CCDC18: variants seen among roughly 807,000 people sequenced by gnomAD.
The protein encoded by CCDC18 is coiled-coil domain-containing protein 18.
In CCDC18, 157 loss-of-function variants were observed where a neutral mutation model predicts 196.0. That is an observed-to-expected ratio of 0.80 (90% confidence interval 0.70 to 0.91). CCDC18 has a LOEUF of 0.91. Ranked by LOEUF, CCDC18 falls within the 40% of genes least tolerant of loss-of-function variation. CCDC18 has a pLI of 0.00. For missense variants in CCDC18, 1,465 were observed against 1,611.6 expected (o/e 0.91, Z 1.56); for synonymous variants, 482 against 529.2 (o/e 0.91, Z 1.22).
intron 21 of CCDC18, among the ~76,000 whole-genome samples, chr1:93,241,283 T>C (rs1660740425): frequency 6.6e-6 from 1 of 152,100 alleles, no homozygotes; most frequent in Non-Finnish European, 1.5e-5. Flanking sequence ...TCCATTGATT[T>C]CGTGGCCTCT....
At chr1:93,212,576 A>C (rs1655828977) in intron 11 of CCDC18, among the ~76,000 whole-genome samples, 1 of 152,236 alleles carries the variant, frequency 6.6e-6, no homozygotes, top group Non-Finnish European at 1.5e-5. Flanking sequence ...TTTAAAGAAC[A>C]AATTTATCAA....
chr1:93,266,527 C>T (rs544259256), intron 27 of CCDC18, among the ~76,000 whole-genome samples: 130 of 151,942 alleles, frequency 8.6e-4, no homozygotes, highest in Non-Finnish European at 1.6e-3. Context: ...AAAAGATCAA[C>T]AAAATTGATA....
intron 6 of CCDC18, among the ~76,000 whole-genome samples, chr1:93,194,588 C>T (rs550063632): frequency 3.6e-4 from 55 of 151,718 alleles, no homozygotes; most frequent in Non-Finnish European, 7.2e-4. Context: ...ATGATATTAT[C>T]TTGATATGGA....
chr1:93,180,015 G>A (rs1372145499), upstream of CCDC18: 1 of 1,591,804 alleles, frequency 6.3e-7, no homozygotes, highest in South Asian at 1.1e-5. Flanking sequence ...CAGTGCAGCT[G>A]GGTTAAAGGA....
In CCDC18 at chr1:93,184,118, C is replaced by A; in HGVS notation, c.275C>A (p.Thr92Asn). The stretch of plus-strand genomic sequence containing the variant: ...GTCTGTAAAATATCTGGTAGCAGCA[C>A]TGATTTTCAAAAAAAGCCAAGAGAT... ...ENVCKISGSS[T>N]DFQKKPRDKM... The change falls in exon 3 of 29, where the codon ACT becomes AAT. Residue 92 changes from threonine (T) to asparagine (N), a missense_variant. By Grantham distance (65) the Thr-to-Asn change is moderately conservative. Transcript: ENST00000690025. The A allele has an allele frequency of 6.6e-7, 1 of 1,525,476 alleles. No individual in the cohort carries two copies. Among genetic ancestry groups the A allele is most frequent in the Non-Finnish European group, 8.9e-7 (1 of 1,129,938 alleles). 94.5% of individuals were successfully genotyped at this position (1,525,476 alleles called of 1,614,324 possible).
chr1:93,246,730 T>C (rs1661538818), intron 22 of CCDC18, 108 bp from the exon 23 acceptor site: 4 of 602,238 alleles, frequency 6.6e-6, no homozygotes, highest in Non-Finnish European at 8.9e-6. Flanking sequence ...GCTATACTAA[T>C]GAGTTTATAC....
At chr1:93,256,124 T>C (rs192575381) in intron 24 of CCDC18, among the ~76,000 whole-genome samples, 6 of 152,316 alleles carry the variant, frequency 3.9e-5, no homozygotes, top group Non-Finnish European at 8.8e-5. Context: ...GTCCCAATTA[T>C]GGTATTTTTG....
chr1:93,225,980 A>G (rs1658220078), intron 16 of CCDC18, among the ~76,000 whole-genome samples: 1 of 152,062 alleles, frequency 6.6e-6, no homozygotes, highest in Non-Finnish European at 1.5e-5. Flanking sequence ...CCAAATAACC[A>G]TTTCCTACAA....
chr1:93,241,290 C>A (rs923042696), intron 21 of CCDC18, among the ~76,000 whole-genome samples: 1 of 152,038 alleles, frequency 6.6e-6, no homozygotes, highest in African/African-American at 2.4e-5. Flanking sequence ...ATTTCGTGGC[C>A]TCTTTTCTGT....
At chr1:93,191,127 A>G (rs148591651) in intron 4 of CCDC18, 120 of 525,494 alleles carry the variant, frequency 2.3e-4, no homozygotes, top group African/African-American at 2.2e-3. Flanking sequence ...TTTCTCCAGC[A>G]AAGAATCCTT....
At chr1:93,203,977 AG>A (rs1194484941) in intron 7 of CCDC18, among the ~76,000 whole-genome samples, 1 of 152,104 alleles carries the variant, frequency 6.6e-6, no homozygotes, top group Non-Finnish European at 1.5e-5. Flanking sequence ...ATGGAAAGGG[AG>A]GGGGTAGAGG....
chr1:93,208,079 C>G (rs2783501), intron 9 of CCDC18, among the ~76,000 whole-genome samples: 1 of 152,056 alleles, frequency 6.6e-6, no homozygotes, highest in Non-Finnish European at 1.5e-5. Context: ...CTGCTATGAA[C>G]GTTTGCATAC....
intron 21 of CCDC18, among the ~76,000 whole-genome samples, chr1:93,242,089 A>G (rs189437918): frequency 6.6e-6 from 1 of 152,332 alleles, no homozygotes; most frequent in East Asian, 1.9e-4. Context: ...ATCTAAGCAA[A>G]AATTGTATAC....
intron 26 of CCDC18, among the ~76,000 whole-genome samples, chr1:93,259,212 A>T (rs1663449188): frequency 1.3e-5 from 2 of 152,234 alleles, no homozygotes; most frequent in African/African-American, 4.8e-5. Context: ...GAATTAATAT[A>T]TAATATAAAA....
intron 9 of CCDC18, among the ~76,000 whole-genome samples, chr1:93,208,957 C>T (rs989323565): frequency 2.0e-5 from 3 of 151,882 alleles, no homozygotes; most frequent in Admixed American, 6.5e-5. Flanking sequence ...AGCCACCATG[C>T]CCGGCCTTTT....
intron 23 of CCDC18, among the ~76,000 whole-genome samples, chr1:93,252,437 G>A (rs931185421): frequency 2.0e-5 from 3 of 151,912 alleles, no homozygotes; most frequent in African/African-American, 2.4e-5. Flanking sequence ...TTCATTTATT[G>A]TATTTTTCAG....
intron 21 of CCDC18, among the ~76,000 whole-genome samples, chr1:93,242,145 C>A (rs1202136437): frequency 1.3e-5 from 2 of 152,176 alleles, no homozygotes; most frequent in Non-Finnish European, 2.9e-5. Context: ...CCCAAATGTT[C>A]ATCATCAGAT....
chr1:93,187,143 C>T (rs1214204266), intron 4 of CCDC18, among the ~76,000 whole-genome samples: 3 of 151,700 alleles, frequency 2.0e-5, no homozygotes, highest in Admixed American at 6.6e-5. Context: ...ACCAAAATGT[C>T]CAGTAATGGA....
chr1:93,258,483 GTTA>G (rs1381923382), intron 25 of CCDC18, among the ~76,000 whole-genome samples: 2 of 152,052 alleles, frequency 1.3e-5, no homozygotes, highest in South Asian at 2.1e-4. Flanking sequence ...GTGTCCTGAG[GTTA>G]TTATTAATAG....
Sources: gnomAD v4.1 joint callset for allele counts (sites outside exome capture counted in the v4.1 genomes callset) on GRCh38, gnomAD v4.1.1 for gene constraint, MANE v1.5 for transcripts, NCBI Gene and HGNC (gene_info 2026-07-23, HGNC 2026-07-21) for gene names.